The following RAB3GAP2 variants were observed in gnomAD, a reference collection of about 807,000 sequenced individuals.
RAB3GAP2 encodes the protein RAB3 GTPase activating non-catalytic protein subunit 2, also known as rab3 GTPase-activating protein non-catalytic subunit.
In RAB3GAP2, 87 loss-of-function variants were observed where a neutral mutation model predicts 185.3. The ratio of observed to expected loss-of-function variants is 0.47; its 90% CI spans 0.39 to 0.56. The LOEUF is 0.56. Among genes scored for constraint, RAB3GAP2 ranks in the 20% least tolerant of loss-of-function variants. The probability of loss-of-function intolerance (pLI) is 0.00; values close to 1 mark genes in which losing one functional copy is unlikely to be tolerated. For synonymous variants in RAB3GAP2, 554 were observed against 576.1 expected, an observed-to-expected ratio of 0.96 and a Z score of 0.55; for missense variants, 1,492 against 1,638.2, an observed-to-expected ratio of 0.91 and a Z score of 1.54.
chr1:220,269,902 T>C (rs1660304380), intron 1 of RAB3GAP2, among the ~76,000 whole-genome samples: 1 of 152,206 alleles, frequency 6.6e-6, no homozygotes, highest in South Asian at 2.1e-4. Flanking sequence ...GGTAGAAGGA[T>C]AAAGAAAATC....
chr1:220,193,263 C>T lies in RAB3GAP2; in HGVS notation c.1247G>A (p.Gly416Glu), dbSNP rs1293642531. The T allele has an allele frequency of 6.2e-7, 1 of 1,613,926 alleles. No individual in the cohort carries two copies. The highest frequency in any genetic ancestry group is 8.5e-7 in the Non-Finnish European group (1 of 1,179,928). ...GRVILLDVAR[G>E]IAIRMWKGYR... Reference sequence around the variant, plus strand: ...ACCTTTCCACATGCGTATTGCAATTCCTCTAGCTACATCCAATAAAATAAC... The same window carrying T: ...ACCTTTCCACATGCGTATTGCAATTTCTCTAGCTACATCCAATAAAATAAC... Residue 416 changes from glycine (G) to glutamate (E), a missense_variant, in exon 13 of 35, where the codon GGA becomes GAA. Gly to Glu is a moderately conservative substitution (Grantham distance 98). Transcript: ENST00000358951.
At chr1:220,221,433 T>G (rs1284467201) in intron 2 of RAB3GAP2, among the ~76,000 whole-genome samples, 2 of 152,192 alleles carry the variant, frequency 1.3e-5, no homozygotes, top group Non-Finnish European at 2.9e-5. Flanking sequence ...CAGCTGCCAA[T>G]CATGTTGGAC....
chr1:220,164,473 GTTTTTTTTTTTT>G (rs35024056), intron 27 of RAB3GAP2, among the ~76,000 whole-genome samples: 1 of 105,650 alleles, frequency 9.5e-6, no homozygotes. Flanking sequence ...TTTTTGTTTT[GTTTTTTTTTTTT>G]TTTTTTTAGA....
At chr1:220,167,837 T>C (rs149002918) in intron 24 of RAB3GAP2, among the ~76,000 whole-genome samples, 162 bp from the exon 25 acceptor site, 8 of 152,308 alleles carry the variant, frequency 5.3e-5, no homozygotes, top group Non-Finnish European at 8.8e-5. Context: ...TGTTCCTACC[T>C]ACCACGCAAC....
At chr1:220,207,513 C>G (rs1280873359) in intron 7 of RAB3GAP2, 3 of 152,138 alleles carry the variant, frequency 2.0e-5, no homozygotes, top group Non-Finnish European at 4.4e-5. Context: ...GACTGTCAGG[C>G]TGTTTCTCTT....
rs1479569555 is a variant in RAB3GAP2, at chr1:220,254,228, G to A, written c.115+17995C>T. On this transcript the variant is annotated intron_variant, in intron 1 of 34. Transcript: ENST00000358951. Reference sequence around the variant, plus strand: ...TATGCGGTTAATGAAGTTGTGGCAGGGATAAAAGAATACTTCAACGTAATG... The same window carrying A: ...TATGCGGTTAATGAAGTTGTGGCAGAGATAAAAGAATACTTCAACGTAATG... 10 of 1,613,366 alleles carry A rather than the reference G, an allele frequency of 6.2e-6. No individual in the cohort carries two copies. The Middle Eastern group carries it at 6.6e-4, about 106-fold the overall frequency.
chr1:220,260,603 G>C (rs1233615803), intron 1 of RAB3GAP2, among the ~76,000 whole-genome samples: 3 of 152,034 alleles, frequency 2.0e-5, no homozygotes, highest in East Asian at 1.9e-4. Context: ...TGGGGTGGTG[G>C]GGGGAGGGAG....
chr1:220,203,825 C>G (rs1269018650), intron 8 of RAB3GAP2, among the ~76,000 whole-genome samples: 2 of 151,818 alleles, frequency 1.3e-5, no homozygotes, highest in Non-Finnish European at 2.9e-5. Flanking sequence ...ACCACATAGC[C>G]AAGACTTCCT....
chr1:220,204,514 T>A (rs1049802647), intron 8 of RAB3GAP2, among the ~76,000 whole-genome samples: 1 of 152,096 alleles, frequency 6.6e-6, no homozygotes, highest in Non-Finnish European at 1.5e-5. Flanking sequence ...TTAAACTTTG[T>A]TTTGGGGCCA....
chr1:220,192,548 C>T (rs1327043249), intron 13 of RAB3GAP2, among the ~76,000 whole-genome samples: 1 of 152,186 alleles, frequency 6.6e-6, no homozygotes. Flanking sequence ...TTAGATGAGG[C>T]CATGTCACTA....
intron 8 of RAB3GAP2, among the ~76,000 whole-genome samples, chr1:220,204,726 T>A (rs1233774819): frequency 7.7e-6 from 1 of 129,304 alleles, no homozygotes; most frequent in Non-Finnish European, 1.6e-5. Context: ...CCTAATGCTA[T>A]CCCTCCCCCC....
At chr1:220,184,806 T>C (rs1340662334) in intron 18 of RAB3GAP2, among the ~76,000 whole-genome samples, 1 of 152,054 alleles carries the variant, frequency 6.6e-6, no homozygotes, top group Non-Finnish European at 1.5e-5. Context: ...GCTTTGTAAG[T>C]ATACCACGCT....
intron 4 of RAB3GAP2, chr1:220,211,388 G>C: frequency 2.1e-6 from 1 of 465,758 alleles, no homozygotes; most frequent in Middle Eastern, 3.2e-4. Context: ...AAGAACTTCA[G>C]CCTGCCTCTT....
chr1:220,264,209 T>C (rs1200454375), intron 1 of RAB3GAP2, among the ~76,000 whole-genome samples: 1 of 152,086 alleles, frequency 6.6e-6, no homozygotes, highest in Non-Finnish European at 1.5e-5. Context: ...GAAAACATTT[T>C]CCTGTGATAA....
chr1:220,216,299 T>C (rs927033936), intron 2 of RAB3GAP2, among the ~76,000 whole-genome samples: 1 of 152,234 alleles, frequency 6.6e-6, no homozygotes, highest in Admixed American at 6.5e-5. Context: ...GAATTCTGTA[T>C]CTAGCTTGTT....
intron 13 of RAB3GAP2, among the ~76,000 whole-genome samples, chr1:220,192,595 C>A (rs1042106590): frequency 6.6e-6 from 1 of 152,170 alleles, no homozygotes; most frequent in Non-Finnish European, 1.5e-5. Flanking sequence ...GAAGGGACTT[C>A]GGGGAATATC....
intron 1 of RAB3GAP2, among the ~76,000 whole-genome samples, chr1:220,262,042 C>A (rs1164745524): frequency 6.6e-6 from 1 of 151,418 alleles, no homozygotes; most frequent in African/African-American, 2.4e-5. Flanking sequence ...GTAATCCCAG[C>A]ACTTTGGGAG....
intron 2 of RAB3GAP2, among the ~76,000 whole-genome samples, chr1:220,231,393 A>G (rs949233949): frequency 6.6e-6 from 1 of 152,176 alleles, no homozygotes; most frequent in Non-Finnish European, 1.5e-5. Flanking sequence ...CCCAATCTAT[A>G]GCAGTCACTT....
chr1:220,235,796 C>T (rs761569397), intron 1 of RAB3GAP2, among the ~76,000 whole-genome samples: 7 of 152,126 alleles, frequency 4.6e-5, no homozygotes, highest in Admixed American at 1.3e-4. Context: ...CCTGCAGAGA[C>T]CCAGTATCTC....
Sources: allele counts gnomAD v4.1 joint callset (sites outside exome capture counted in the v4.1 genomes callset), GRCh38; gene constraint gnomAD v4.1.1; transcripts MANE v1.5; gene names NCBI Gene and HGNC (gene_info 2026-07-23, HGNC 2026-07-21).